Variants in F13A1 observed in about 807,000 individuals in gnomAD.
F13A1 encodes FSF, A subunit.
Under a neutral mutation model 80.1 loss-of-function variants are expected in F13A1, and 47 were observed. That is an observed-to-expected ratio of 0.59 (90% CI 0.46 to 0.75). The LOEUF (loss-of-function observed/expected upper bound fraction) is 0.75, where lower values mean the gene tolerates loss of function less well. Ranked by LOEUF, F13A1 falls within the 30% of genes least tolerant of loss-of-function variation. F13A1 has a pLI of 0.00. For missense variants in F13A1, 817 were observed against 930.4 expected, an observed-to-expected ratio of 0.88 and a Z score of 1.59; for synonymous variants, 349 against 344.9, an observed-to-expected ratio of 1.01 and a Z score of -0.13.
intron 11 of F13A1, among the ~76,000 whole-genome samples, chr6:6,175,156 T>C (rs1178301276): frequency 1.3e-5 from 2 of 152,192 alleles, no homozygotes; most frequent in Admixed American, 6.5e-5. Context: ...GGAGGTAAAA[T>C]TGGCAATGTC....
intron 3 of F13A1, among the ~76,000 whole-genome samples, chr6:6,298,193 G>A (rs2113170278): frequency 6.9e-6 from 1 of 145,304 alleles, no homozygotes; most frequent in South Asian, 2.2e-4. Context: ...TGGAATAGGT[G>A]TGGTGTGGTG....
chr6:6,302,907 A>G (rs1348782439), intron 3 of F13A1, among the ~76,000 whole-genome samples: 1 of 152,178 alleles, frequency 6.6e-6, no homozygotes, highest in African/African-American at 2.4e-5. Context: ...TAAGTCTGTT[A>G]AATTTCCTCA....
At position 6,197,127 on chromosome 6, in the gene F13A1, C is replaced by T. The variant is rs926096710; in HGVS notation, c.1216+96G>A. On this transcript the variant is annotated intron_variant, in intron 9 of 14. Coordinates refer to ENST00000264870, the MANE Select transcript of F13A1 (RefSeq NM_000129.4). ...AGGAAGCACACTTCAGATGTTGCCT[C>T]CCAATGGGCGTGGTTCCCACACATC... 1.8e-5 allele frequency: 21 copies of T among 1,139,636 alleles called. 1 individual carries two copies. The Admixed American group carries it at 4.0e-4, about 22-fold the overall frequency. The allele number at this position is 1,139,636 out of a possible 1,614,324, so 70.6% of individuals were successfully genotyped here. A position where few individuals can be genotyped will look rare whatever the true frequency, so the allele number is the denominator to read the frequency against.
At chr6:6,306,471 C>G (rs996134611) in intron 2 of F13A1, among the ~76,000 whole-genome samples, 3 of 152,218 alleles carry the variant, frequency 2.0e-5, no homozygotes, top group Admixed American at 6.5e-5. Flanking sequence ...GACACGTATG[C>G]AAGCATTTAG....
rs1387850086 is a variant in F13A1 at position 6,167,577 on chromosome 6, C to A, written c.1789G>T (p.Gly597Cys). The change falls in exon 13 of 15, where the codon GGT becomes TGT. Residue 597 changes from glycine (G) to cysteine (C), a missense_variant. Gly to Cys is a radical substitution (Grantham distance 159, BLOSUM62 -3). Coordinates refer to ENST00000264870, the MANE Select transcript of F13A1 (RefSeq NM_000129.4). Reference protein sequence around the residue: ...AVLIQAGEYMGQLLEQASLHF... With the variant: ...AVLIQAGEYMCQLLEQASLHF... ...AGGGACGCTTGTTCCAGCAGCTGACCCATGTACTCGCCGGCTTGGATCAGC... is the reference window on the plus strand; with the variant it reads ...AGGGACGCTTGTTCCAGCAGCTGACACATGTACTCGCCGGCTTGGATCAGC... 1.5e-5 allele frequency: 25 copies of A among 1,613,772 alleles called. No individual in the cohort carries two copies. Among genetic ancestry groups the A allele is most frequent in the Non-Finnish European group, 1.9e-5 (23 of 1,180,006 alleles).
chr6:6,231,130 G>T (rs1757347000), intron 6 of F13A1, among the ~76,000 whole-genome samples: 2 of 152,186 alleles, frequency 1.3e-5, no homozygotes, highest in African/African-American at 4.8e-5. Flanking sequence ...GCCAAACAGG[G>T]AGGGACCAGA....
intron 3 of F13A1, among the ~76,000 whole-genome samples, chr6:6,286,589 G>A (rs4636071): frequency 0.077 from 11,713 of 152,246 alleles, 539 homozygotes; most frequent in Middle Eastern, 0.14. Context: ...GTAGATCCAT[G>A]TGGATTCACT....
intron 6 of F13A1, among the ~76,000 whole-genome samples, chr6:6,246,567 T>C (rs112369218): frequency 1.3e-5 from 2 of 152,348 alleles, no homozygotes; most frequent in African/African-American, 4.8e-5. Context: ...AATCTTTTAA[T>C]TGGGATATAA....
chr6:6,160,300 A>G (rs1253746946), intron 13 of F13A1, among the ~76,000 whole-genome samples: 1 of 150,894 alleles, frequency 6.6e-6, no homozygotes, highest in African/African-American at 2.4e-5. Flanking sequence ...AAAGAAAGAA[A>G]ATGTTCTCAC....
chr6:6,171,891 T>C (rs1330834469), intron 12 of F13A1, among the ~76,000 whole-genome samples: 1 of 152,218 alleles, frequency 6.6e-6, no homozygotes, highest in Admixed American at 6.5e-5. Context: ...AATGCTCACT[T>C]CTGACCTTCA....
intron 6 of F13A1, among the ~76,000 whole-genome samples, chr6:6,244,274 G>A (rs534496143): frequency 1.6e-4 from 25 of 152,272 alleles, no homozygotes; most frequent in African/African-American, 5.5e-4. Flanking sequence ...GAAATGCATT[G>A]AAAAGAAAGC....
rs531762155 is a variant in F13A1, at chr6:6,318,313, G to C, written c.130+222C>G. ...CAAAGCAACTTCTCTGAGGTTACAA[G>C]GTCAGTAAGGGGCAGAACTGGGACA... On this transcript the variant is annotated intron_variant, in intron 2 of 14. Transcript: ENST00000264870. 2.6e-5 allele frequency among the ~76,000 whole-genome samples: 4 copies of C among 152,366 alleles called. No individual in the cohort carries two copies. In the East Asian group the frequency reaches 7.7e-4, roughly 29 times the overall value.
intron 11 of F13A1, 132 bp downstream of exon 11, chr6:6,181,856 G>T: frequency 1.0e-6 from 1 of 988,978 alleles, no homozygotes; most frequent in Non-Finnish European, 1.6e-6. Flanking sequence ...ACACGTGAAA[G>T]TTTATACTTC....
In F13A1 at chr6:6,238,715, C is replaced by CATATATATATATAT. The variant is rs4053228; in HGVS notation, c.798+9583_798+9596dup. On this transcript the variant is annotated intron_variant, in intron 6 of 14. Transcript: ENST00000264870. ...AATCAGTAGACTTGAAAACATGCTGCATATATATATATATATATAGCCAAT... is the reference window on the plus strand; with the variant it reads ...AATCAGTAGACTTGAAAACATGCTGCATATATATATATATATATATATATATATATATAGCCAAT... 1.9e-3 allele frequency among the ~76,000 whole-genome samples: 274 copies of CATATATATATATAT among 146,040 alleles called. 1 individual carries two copies. The highest frequency in any genetic ancestry group is 7.1e-3 in the Middle Eastern group (2 of 282).
At chr6:6,263,105 C>T (rs145790966) in intron 4 of F13A1, among the ~76,000 whole-genome samples, 113 of 152,324 alleles carry the variant, frequency 7.4e-4, no homozygotes, top group African/African-American at 2.4e-3. Context: ...GGTTCCTCTC[C>T]GTCACCATAA....
chr6:6,242,582 C>T (rs565221177), intron 6 of F13A1, among the ~76,000 whole-genome samples: 1 of 152,080 alleles, frequency 6.6e-6, no homozygotes, highest in South Asian at 2.1e-4. Context: ...TTTTTTCTTA[C>T]TACAACTGAA....
Position 6,305,346 on chromosome 6 carries a change from C to T in F13A1, c.319+5G>A. ...TCAAGACTGGAGCTTGCACATGGCACTCACCAATGACGTATTCCACCCTGA... is the reference window on the plus strand; with the variant it reads ...TCAAGACTGGAGCTTGCACATGGCATTCACCAATGACGTATTCCACCCTGA... On this transcript the variant is annotated splice_donor_5th_base_variant and intron_variant, in intron 3 of 14. Transcript: ENST00000264870. The T allele has an allele frequency of 1.2e-6, 2 of 1,614,196 alleles. No individual in the cohort carries two copies. The highest frequency in any genetic ancestry group is 1.7e-6 in the Non-Finnish European group (2 of 1,180,028).
chr6:6,227,812 C>T (rs1757298082), intron 6 of F13A1, among the ~76,000 whole-genome samples: 1 of 152,164 alleles, frequency 6.6e-6, no homozygotes, highest in African/African-American at 2.4e-5. Context: ...GGAAAAAAAG[C>T]TCTGTCCTCT....
chr6:6,181,048 AC>A (rs1760974250), intron 11 of F13A1, among the ~76,000 whole-genome samples: 1 of 152,134 alleles, frequency 6.6e-6, no homozygotes, highest in South Asian at 2.1e-4. Context: ...AGTTCTGGCC[AC>A]TGCTGGCCTC....
Sources: allele counts gnomAD v4.1 joint callset (sites outside exome capture counted in the v4.1 genomes callset), GRCh38; gene constraint gnomAD v4.1.1; transcripts MANE v1.5; gene names NCBI Gene and HGNC (gene_info 2026-07-23, HGNC 2026-07-21).